Variants in SLC44A3 observed in about 807,000 individuals in gnomAD.
SLC44A3 encodes solute carrier family 44 member 3.
A neutral mutation model predicts 75.4 loss-of-function variants in SLC44A3; 74 were observed. The observed-to-expected ratio is 0.98, with a 90% CI of 0.81 to 1.19. The LOEUF (loss-of-function observed/expected upper bound fraction) is 1.19. Ranked by LOEUF, SLC44A3 falls within the 50% of genes most tolerant of loss-of-function variation. SLC44A3 has a pLI of 0.00. For synonymous variants in SLC44A3, 310 were observed against 296.9 expected (o/e 1.04, Z -0.45); for missense variants, 700 against 778.6 (o/e 0.90, Z 1.20).
intron 12 of SLC44A3, among the ~76,000 whole-genome samples, chr1:94,886,852 T>C (rs768340323): frequency 6.6e-6 from 1 of 152,098 alleles, no homozygotes; most frequent in Admixed American, 6.6e-5. Flanking sequence ...GGACATAATA[T>C]TGAGATACTA....
At chr1:94,841,517 G>T (rs1407659980) in intron 7 of SLC44A3, among the ~76,000 whole-genome samples, 2 of 152,274 alleles carry the variant, frequency 1.3e-5, no homozygotes, top group African/African-American at 4.8e-5. Context: ...CAATGTCAGG[G>T]CATCTTCCAA....
At chr1:94,846,095 C>T (rs1344068501) in intron 9 of SLC44A3, among the ~76,000 whole-genome samples, 1 of 146,454 alleles carries the variant, frequency 6.8e-6, no homozygotes, top group African/African-American at 2.5e-5. Flanking sequence ...TGCAGTGAGC[C>T]GAGATTGCGC....
intron 9 of SLC44A3, 92 bp downstream of exon 9, chr1:94,845,556 C>T: frequency 7.9e-7 from 1 of 1,261,322 alleles, no homozygotes; most frequent in South Asian, 1.6e-5. Context: ...GGCACCTAAC[C>T]CCTCATTGAG....
chr1:94,856,356 C>G (rs893171775), intron 9 of SLC44A3, among the ~76,000 whole-genome samples: 1 of 152,056 alleles, frequency 6.6e-6, no homozygotes, highest in Non-Finnish European at 1.5e-5. Context: ...CTCCAGGAAG[C>G]CAAATAACTT....
At chr1:94,879,854 G>GA (rs1197953402) in intron 12 of SLC44A3, among the ~76,000 whole-genome samples, 16 of 141,870 alleles carry the variant, frequency 1.1e-4, no homozygotes, top group African/African-American at 4.0e-4. Context: ...AAAAAAAAAA[G>GA]AAAAAAAAAG....
chr1:94,848,347 C>G (rs1299367014), intron 9 of SLC44A3, among the ~76,000 whole-genome samples: 1 of 152,058 alleles, frequency 6.6e-6, no homozygotes, highest in African/African-American at 2.4e-5. Flanking sequence ...TGGAGGTTGA[C>G]AGCTAGAGCC....
intron 9 of SLC44A3, among the ~76,000 whole-genome samples, chr1:94,855,916 T>C (rs1665813583): frequency 6.6e-6 from 1 of 152,208 alleles, no homozygotes. Context: ...CAGTAGTAGT[T>C]GTTTTAAAAT....
chr1:94,890,913 T>C (rs1294457032), intron 12 of SLC44A3, among the ~76,000 whole-genome samples: 1 of 152,226 alleles, frequency 6.6e-6, no homozygotes, highest in African/African-American at 2.4e-5. Context: ...ACATTCATAT[T>C]AACCATAAGT....
intron 8 of SLC44A3, 111 bp downstream of exon 8, chr1:94,842,235 A>C: frequency 7.0e-7 from 1 of 1,427,880 alleles, no homozygotes; most frequent in Non-Finnish European, 9.4e-7. Flanking sequence ...TTGATTTAGA[A>C]TGTGCCTTCT....
At chr1:94,874,700 A>G (rs859089) in intron 12 of SLC44A3, among the ~76,000 whole-genome samples, 149,967 of 152,322 alleles carry the variant, frequency 0.98, 73,847 homozygotes, top group Non-Finnish European at 1. Context: ...TATGTACCGG[A>G]TACTGTGCTA....
intron 9 of SLC44A3, among the ~76,000 whole-genome samples, chr1:94,852,328 CA>C (rs1410562822): frequency 1.3e-5 from 2 of 152,054 alleles, no homozygotes; most frequent in African/African-American, 2.4e-5. Context: ...ATTTGACGAT[CA>C]GGGGTGCCTC....
At chr1:94,861,176 A>G (rs561973720) in intron 10 of SLC44A3, among the ~76,000 whole-genome samples, 2 of 152,390 alleles carry the variant, frequency 1.3e-5, no homozygotes, top group East Asian at 3.9e-4. Flanking sequence ...TTATTTATGT[A>G]TGAATAACAA....
At chr1:94,893,045 C>T (rs992072128) in intron 14 of SLC44A3, among the ~76,000 whole-genome samples, 5 of 152,188 alleles carry the variant, frequency 3.3e-5, no homozygotes, top group African/African-American at 1.2e-4. Flanking sequence ...ACACCCTCAG[C>T]GGAGCGCCCA....
chr1:94,834,977 C>T (rs998596219), intron 5 of SLC44A3, among the ~76,000 whole-genome samples: 1 of 152,156 alleles, frequency 6.6e-6, no homozygotes, highest in East Asian at 1.9e-4. Flanking sequence ...TCATGTTCCT[C>T]GATAGGATTC....
At chr1:94,828,906 G>T (rs1484762620) in intron 5 of SLC44A3, among the ~76,000 whole-genome samples, 1 of 152,130 alleles carries the variant, frequency 6.6e-6, no homozygotes, top group Non-Finnish European at 1.5e-5. Flanking sequence ...ATAAATTAGT[G>T]TGTATTTTTT....
chr1:94,879,230 G>A (rs756191790), intron 12 of SLC44A3, among the ~76,000 whole-genome samples: 1 of 148,354 alleles, frequency 6.7e-6, no homozygotes, highest in African/African-American at 2.5e-5. Flanking sequence ...AAAAAAACCC[G>A]ATTTTAAAAT....
Position 94,828,489 on chromosome 1 carries a change from C to T in SLC44A3, c.416-4C>T, listed in dbSNP as rs368126326. 2.5e-6 allele frequency: 4 copies of T among 1,612,578 alleles called. No individual in the cohort carries two copies. Among genetic ancestry groups the T allele is most frequent in the Non-Finnish European group, 3.4e-6 (4 of 1,179,226 alleles). On this transcript the variant is annotated splice_region_variant and splice_polypyrimidine_tract_variant and intron_variant, in intron 4 of 14. Coordinates refer to ENST00000271227, the MANE Select transcript of SLC44A3 (RefSeq NM_001114106.3). ...GGTATAATGTCTGTGTGTTCTGCTTCCAGGGTCCTTCCTGTGTGTTTATAG... is the reference window on the plus strand; with the variant it reads ...GGTATAATGTCTGTGTGTTCTGCTTTCAGGGTCCTTCCTGTGTGTTTATAG...
chr1:94,825,423 C>T (rs946862709), intron 3 of SLC44A3, among the ~76,000 whole-genome samples: 13 of 152,154 alleles, frequency 8.5e-5, no homozygotes, highest in South Asian at 2.1e-4. Flanking sequence ...CTCTGCCTCC[C>T]GGGTTCAAGA....
chr1:94,894,791 A>G, intron 14 of SLC44A3, 27 bp from the exon 15 acceptor site: 1 of 1,579,900 alleles, frequency 6.3e-7, no homozygotes, highest in Non-Finnish European at 8.6e-7. Flanking sequence ...ACATAATACT[A>G]TTCTAACTTG....
Sources: gnomAD v4.1 joint callset for allele counts (sites outside exome capture counted in the v4.1 genomes callset) on GRCh38, gnomAD v4.1.1 for gene constraint, MANE v1.5 for transcripts, NCBI Gene and HGNC (gene_info 2026-07-23, HGNC 2026-07-21) for gene names.